Variants in LMNTD1 observed in about 807,000 individuals in gnomAD.
LMNTD1 encodes lamin tail domain-containing protein 1.
LMNTD1 carries 35 observed loss-of-function variants against 50.9 expected under a neutral mutation model. That is an observed-to-expected ratio of 0.69 (90% CI 0.53 to 0.91). The LOEUF (loss-of-function observed/expected upper bound fraction) is 0.91. Among genes scored for constraint, LMNTD1 ranks in the 40% least tolerant of loss-of-function variants. LMNTD1 has a pLI of 0.00. For synonymous variants in LMNTD1, 153 were observed against 161.9 expected, an observed-to-expected ratio of 0.94 and a Z score of 0.42; for missense variants, 470 against 475.5, an observed-to-expected ratio of 0.99 and a Z score of 0.11.
intron 9 of LMNTD1, among the ~76,000 whole-genome samples, chr12:25,495,978 T>C (rs2135925176): frequency 6.6e-6 from 1 of 152,332 alleles, no homozygotes; most frequent in South Asian, 2.1e-4. Context: ...TCCAAGGAGA[T>C]GCTTTATTGA....
intron 9 of LMNTD1, among the ~76,000 whole-genome samples, chr12:25,489,002 T>C (rs371217099): frequency 1.2e-3 from 189 of 152,228 alleles, no homozygotes; most frequent in Non-Finnish European, 2.1e-3. Flanking sequence ...TCTCCAGCTG[T>C]GTGCTGGGAG....
chr12:25,643,029 T>C (rs1190134622), intron 1 of LMNTD1, among the ~76,000 whole-genome samples: 3 of 152,208 alleles, frequency 2.0e-5, no homozygotes, highest in African/African-American at 7.2e-5. Context: ...TCTGAAAATA[T>C]AGCACAAGAT....
intron 1 of LMNTD1, among the ~76,000 whole-genome samples, chr12:25,596,609 A>G (rs571357399): frequency 9.2e-5 from 14 of 152,238 alleles, no homozygotes; most frequent in African/African-American, 3.1e-4. Flanking sequence ...ACTGTTCCAG[A>G]CAATCAAAGG....
intron 8 of LMNTD1, among the ~76,000 whole-genome samples, chr12:25,512,627 T>C (rs536807409): frequency 1.3e-5 from 2 of 152,260 alleles, no homozygotes; most frequent in Non-Finnish European, 2.9e-5. Flanking sequence ...GGTGAAAATG[T>C]TTCCTCTTGA....
intron 4 of LMNTD1, among the ~76,000 whole-genome samples, chr12:25,537,754 T>A (rs1942715336): frequency 6.6e-6 from 1 of 152,178 alleles, no homozygotes. Flanking sequence ...AGAAGAAGGC[T>A]TCAGATGATC....
chr12:25,561,187 T>C (rs1944300255), intron 1 of LMNTD1, among the ~76,000 whole-genome samples: 1 of 152,188 alleles, frequency 6.6e-6, no homozygotes, highest in Non-Finnish European at 1.5e-5. Flanking sequence ...TCTGCTAGCT[T>C]TTGAATTTGT....
At chr12:25,517,184 T>G (rs1370237910) in intron 8 of LMNTD1, among the ~76,000 whole-genome samples, 1 of 59,582 alleles carries the variant, frequency 1.7e-5, no homozygotes, top group Admixed American at 1.8e-4. Flanking sequence ...GAAATACCAT[T>G]TGACCCAGCC....
chr12:25,607,117 C>T (rs1207481805), intron 1 of LMNTD1, among the ~76,000 whole-genome samples: 10 of 152,070 alleles, frequency 6.6e-5, no homozygotes, highest in East Asian at 1.9e-4. Flanking sequence ...AGTTTATTTG[C>T]GTAGAGGTGT....
rs186429903 is a variant in LMNTD1, at chr12:25,606,779, T to C, written c.58+41715A>G. ...TTGCATCAATGTTCATCAAGGGTAT[T>C]GGTCTAAAATTCTCTTTTTTTGTTG... On this transcript the variant is annotated intron_variant, in intron 1 of 7. Transcript: ENST00000445693. 2.1e-3 allele frequency among the ~76,000 whole-genome samples: 317 copies of C among 152,354 alleles called. 2 individuals are homozygous for C. The highest frequency in any genetic ancestry group is 7.4e-3 in the African/African-American group (306 of 41,590).
chr12:25,625,309 T>C (rs890054408), intron 1 of LMNTD1, among the ~76,000 whole-genome samples: 3 of 152,180 alleles, frequency 2.0e-5, no homozygotes, highest in African/African-American at 7.2e-5. Context: ...CCCTAAATTA[T>C]ACATAACATC....
Position 25,509,014 on chromosome 12 carries a change from G to A in LMNTD1, c.1190-5214C>T, listed in dbSNP as rs185263631. Reference sequence around the variant, plus strand: ...ATTCCTGAAATAAACCCAATTTCTTGGTGATATATTATCCCTAAATATCCC... The same window carrying A: ...ATTCCTGAAATAAACCCAATTTCTTAGTGATATATTATCCCTAAATATCCC... On this transcript the variant is annotated intron_variant, in intron 8 of 9. Transcript: ENST00000458174. 1.5e-3 allele frequency among the ~76,000 whole-genome samples: 221 copies of A among 151,780 alleles called. 4 individuals are homozygous for A. The highest frequency in any genetic ancestry group is 0.014 in the Admixed American group (218 of 15,272).
At chr12:25,564,622 TTTTAAGA>T (rs1373725686) in intron 1 of LMNTD1, among the ~76,000 whole-genome samples, 4 of 152,120 alleles carry the variant, frequency 2.6e-5, no homozygotes, top group Non-Finnish European at 4.4e-5. Flanking sequence ...TTTTTTAATG[TTTTAAGA>T]TTTGTTTTGT....
intron 2 of LMNTD1, among the ~76,000 whole-genome samples, chr12:25,550,031 G>A (rs1943661467): frequency 6.6e-6 from 1 of 151,874 alleles, no homozygotes; most frequent in African/African-American, 2.4e-5. Flanking sequence ...AATTCTTGTT[G>A]CTGCTTAACT....
Position 25,532,154 on chromosome 12 carries a change from G to A in LMNTD1, c.492-5199C>T, listed in dbSNP as rs76120477. ...TGGTCAACTCTTATCTTTTGTATAC[G>A]TTGTTTTTTTTGTTTGTTTGTTTTT... On this transcript the variant is annotated intron_variant, in intron 4 of 9. Coordinates refer to ENST00000458174, the MANE Select transcript of LMNTD1 (RefSeq NM_001145728.2). Among the ~76,000 whole-genome samples the A allele has an allele frequency of 7.2e-3, 1,094 of 152,064 alleles. 15 individuals carry two copies. Among genetic ancestry groups the A allele is most frequent in the African/African-American group, 0.023 (936 of 41,484 alleles).
intron 1 of LMNTD1, among the ~76,000 whole-genome samples, chr12:25,613,677 T>C (rs1946294251): frequency 6.6e-6 from 1 of 152,180 alleles, no homozygotes; most frequent in Non-Finnish European, 1.5e-5. Flanking sequence ...TAAGAGATGA[T>C]TGAATGCATG....
At chr12:25,484,691 T>C (rs1014000246) in intron 9 of LMNTD1, among the ~76,000 whole-genome samples, 6 of 131,334 alleles carry the variant, frequency 4.6e-5, no homozygotes, top group Non-Finnish European at 6.3e-5. Flanking sequence ...AGTGTGATAT[T>C]CCCCTTCCTG....
intron 6 of LMNTD1, among the ~76,000 whole-genome samples, chr12:25,521,756 C>G (rs1941340096): frequency 6.6e-6 from 1 of 152,064 alleles, no homozygotes; most frequent in African/African-American, 2.4e-5. Flanking sequence ...TGTATCTTAT[C>G]TGAGATGGGA....
At chr12:25,506,432 T>C (rs1356678669) in intron 8 of LMNTD1, among the ~76,000 whole-genome samples, 1 of 152,168 alleles carries the variant, frequency 6.6e-6, no homozygotes, top group African/African-American at 2.4e-5. Flanking sequence ...TAAAGTACAT[T>C]AAACTGAATA....
intron 9 of LMNTD1, among the ~76,000 whole-genome samples, chr12:25,483,464 T>C (rs1938511375): frequency 6.6e-6 from 1 of 150,440 alleles, no homozygotes; most frequent in Admixed American, 6.6e-5. Context: ...GAAATATCAA[T>C]GTGGGCATTT....
Sources: gnomAD v4.1 joint callset for allele counts (sites outside exome capture counted in the v4.1 genomes callset) on GRCh38, gnomAD v4.1.1 for gene constraint, MANE v1.5 for transcripts, NCBI Gene and HGNC (gene_info 2026-07-23, HGNC 2026-07-21) for gene names.